HNRNPLL: variants seen among roughly 807,000 people sequenced by gnomAD.
The protein encoded by HNRNPLL is heterogeneous nuclear ribonucleoprotein L-like.
A neutral mutation model predicts 67.1 loss-of-function variants in HNRNPLL; 25 were observed. That is an observed-to-expected ratio of 0.37 (90% CI 0.27 to 0.52). The LOEUF (loss-of-function observed/expected upper bound fraction) is 0.52. HNRNPLL is among the 20% of genes least tolerant of loss of function. HNRNPLL has a pLI of 0.90. For synonymous variants in HNRNPLL, 267 were observed against 241.7 expected, an observed-to-expected ratio of 1.10 and a Z score of -0.97; for missense variants, 542 against 673.9, an observed-to-expected ratio of 0.80 and a Z score of 2.17.
At chr2:38,573,507 CCA>C (rs959264581) in intron 7 of HNRNPLL, 80 bp from the exon 8 acceptor site, 17 of 880,320 alleles carry the variant, frequency 1.9e-5, no homozygotes, top group Non-Finnish European at 2.8e-5. Context: ...ATATACTGCA[CCA>C]CACACAAAAA....
rs182646467 is a variant in HNRNPLL at position 38,599,598 on chromosome 2, A to T, written c.189+2840T>A. ...CTCTATTAAAAAAAGGTACCAGAAG[A>T]CACAAATTTGAAGGGTGTTTTATTT... On this transcript the variant is annotated intron_variant, in intron 1 of 12. Transcript: ENST00000449105. 3.1e-3 allele frequency among the ~76,000 whole-genome samples: 469 copies of T among 152,286 alleles called. 2 individuals are homozygous for T. Among genetic ancestry groups the T allele is most frequent in the Non-Finnish European group, 3.9e-3 (266 of 68,028 alleles).
chr2:38,597,593 G>T (rs1047100191), intron 1 of HNRNPLL, among the ~76,000 whole-genome samples: 1 of 152,054 alleles, frequency 6.6e-6, no homozygotes. Flanking sequence ...TAAAACATAG[G>T]GAAACTAACT....
intron 1 of HNRNPLL, among the ~76,000 whole-genome samples, chr2:38,595,927 A>C (rs1248443183): frequency 6.6e-6 from 1 of 152,192 alleles, no homozygotes; most frequent in African/African-American, 2.4e-5. Flanking sequence ...AAGGCAGAAA[A>C]CATACCCCTC....
intron 2 of HNRNPLL, among the ~76,000 whole-genome samples, chr2:38,587,470 A>G (rs1666782185): frequency 6.6e-6 from 1 of 152,152 alleles, no homozygotes; most frequent in South Asian, 2.1e-4. Flanking sequence ...TTCCCCACCC[A>G]TATCATTCAA....
At chr2:38,591,732 T>C (rs988863317) in intron 1 of HNRNPLL, 84 bp from the exon 2 acceptor site, 6 of 786,686 alleles carry the variant, frequency 7.6e-6, no homozygotes, top group Non-Finnish European at 1.3e-5. Context: ...TCCCTGCACT[T>C]TGGGAGGTCA....
chr2:38,573,382 C>A lies in HNRNPLL; in HGVS notation c.920G>T (p.Gly307Val). ...LLPLPSRYRM[G>V]SRDTPELVAY... ...AACAAGTTCAGGTGTATCTCGAGAGCCCATTCTGTAACGACTTGGTAAAGG... is the reference window on the plus strand; with the variant it reads ...AACAAGTTCAGGTGTATCTCGAGAGACCATTCTGTAACGACTTGGTAAAGG... The change falls in exon 8 of 13, where the codon GGC becomes GTC. Residue 307 changes from glycine (G) to valine (V), a missense_variant. Physicochemically the swap from Gly to Val is moderately radical, Grantham distance 109. Transcript: ENST00000449105. The A allele has an allele frequency of 6.2e-7, 1 of 1,611,846 alleles. No homozygotes were observed. The highest frequency in any genetic ancestry group is 8.5e-7 in the Non-Finnish European group (1 of 1,178,928).
rs748923432 is a variant in HNRNPLL at position 38,568,252 on chromosome 2, G to C, written c.1520C>G (p.Thr507Ser). The change falls in exon 12 of 13, where the codon ACT (threonine) becomes AGT (serine). Residue 507 changes from threonine (T) to serine (S), a missense_variant. Physicochemically the swap from Thr to Ser is moderately conservative, Grantham distance 58. Transcript: ENST00000449105. The part of the protein sequence containing the change: ...LSGLLEWECK[T>S]DAVEALTALN... The stretch of plus-strand genomic sequence containing the variant: ...TGCCGTAAGGGCTTCTACTGCATCA[G>C]TTTTGCACTCCCATTCTAATAGCCC... The C allele has an allele frequency of 2.5e-6, 4 of 1,613,612 alleles. No individual in the cohort carries two copies. The highest frequency in any genetic ancestry group is 1.3e-5 in the African/African-American group (1 of 74,990).
chr2:38,598,662 A>G (rs1667307141), intron 1 of HNRNPLL, among the ~76,000 whole-genome samples: 2 of 152,236 alleles, frequency 1.3e-5, no homozygotes, highest in Non-Finnish European at 2.9e-5. Context: ...GAGGCTAGAG[A>G]TCACTGAGTT....
intron 3 of HNRNPLL, among the ~76,000 whole-genome samples, chr2:38,584,291 G>A (rs1666643741): frequency 6.6e-6 from 1 of 152,112 alleles, no homozygotes; most frequent in African/African-American, 2.4e-5. Context: ...AAACTCCTGA[G>A]CTCAAGGGAT....
chr2:38,596,768 C>T (rs1667209182), intron 1 of HNRNPLL, among the ~76,000 whole-genome samples: 1 of 152,088 alleles, frequency 6.6e-6, no homozygotes, highest in Non-Finnish European at 1.5e-5. Flanking sequence ...TGTTTAGTTA[C>T]CTAGGCTCTC....
At chr2:38,598,203 C>CG (rs34523473) in intron 1 of HNRNPLL, among the ~76,000 whole-genome samples, 1 of 151,932 alleles carries the variant, frequency 6.6e-6, no homozygotes, top group Non-Finnish European at 1.5e-5. Context: ...ATTAATTAGA[C>CG]GGGGGAAGAG....
At chr2:38,583,024 T>C (rs1666594239) in intron 4 of HNRNPLL, among the ~76,000 whole-genome samples, 1 of 152,094 alleles carries the variant, frequency 6.6e-6, no homozygotes, top group South Asian at 2.1e-4. Context: ...AAGGACAACT[T>C]GCAACCTTGA....
At chr2:38,598,304 T>A (rs1036856887) in intron 1 of HNRNPLL, among the ~76,000 whole-genome samples, 6 of 152,268 alleles carry the variant, frequency 3.9e-5, no homozygotes, top group African/African-American at 1.4e-4. Flanking sequence ...AATGTCAGCC[T>A]AGCTTTACCA....
chr2:38,597,515 A>T (rs1411731029), intron 1 of HNRNPLL, among the ~76,000 whole-genome samples: 1 of 152,218 alleles, frequency 6.6e-6, no homozygotes, highest in East Asian at 1.9e-4. Context: ...ATGTTTAATC[A>T]CATTTTTTCC....
At chr2:38,569,060 C>T in intron 10 of HNRNPLL, 73 bp downstream of exon 10, 2 of 1,095,860 alleles carry the variant, frequency 1.8e-6, no homozygotes, top group Non-Finnish European at 1.4e-6. Context: ...AAAACGACTT[C>T]AAAATGAAGC....
At chr2:38,601,869 A>G (rs899147372) in intron 1 of HNRNPLL, 2 of 152,398 alleles carry the variant, frequency 1.3e-5, no homozygotes, top group Non-Finnish European at 2.9e-5. Context: ...GATGCACGCC[A>G]TGCTTATAAA....
At chr2:38,581,688 G>T in intron 6 of HNRNPLL, 1 of 545,546 alleles carries the variant, frequency 1.8e-6, no homozygotes, top group Non-Finnish European at 3.2e-6. Flanking sequence ...GTGCCTGAAT[G>T]TGTGGGCTCC....
At chr2:38,571,217 A>G (rs1666069398) in intron 8 of HNRNPLL, among the ~76,000 whole-genome samples, 1 of 152,196 alleles carries the variant, frequency 6.6e-6, no homozygotes, top group African/African-American at 2.4e-5. Context: ...AATTAGGCAC[A>G]GTAATAGACT....
chr2:38,578,160 A>C (rs1421225536), intron 6 of HNRNPLL, among the ~76,000 whole-genome samples: 1 of 152,060 alleles, frequency 6.6e-6, no homozygotes, highest in African/African-American at 2.4e-5. Flanking sequence ...ACCAGGTAGG[A>C]CTATGAGCAA....
Sources: allele counts gnomAD v4.1 joint callset (sites outside exome capture counted in the v4.1 genomes callset), GRCh38; gene constraint gnomAD v4.1.1; transcripts MANE v1.5; gene names NCBI Gene and HGNC (gene_info 2026-07-23, HGNC 2026-07-21).